PPP1CA: variants seen among roughly 807,000 people sequenced by gnomAD.
PPP1CA encodes the protein protein phosphatase 1 catalytic subunit alpha, also known as serine/threonine-protein phosphatase PP1-alpha catalytic subunit.
A neutral mutation model predicts 38.5 loss-of-function variants in PPP1CA; 14 were observed. That is an observed-to-expected ratio of 0.36 (90% CI 0.24 to 0.57). The LOEUF (loss-of-function observed/expected upper bound fraction) is 0.57. Ranked by LOEUF, PPP1CA falls within the 20% of genes least tolerant of loss-of-function variation. The probability of loss-of-function intolerance (pLI) is 0.80; values close to 1 mark genes in which losing one functional copy is unlikely to be tolerated. For missense variants in PPP1CA, 277 were observed against 435.2 expected (o/e 0.64, Z 3.23); for synonymous variants, 200 against 177.3 (o/e 1.13, Z -1.02).
Position 67,398,625 on chromosome 11 carries a change from C to G in PPP1CA, c.903G>C (p.Lys301Asn). 1 of 1,614,102 alleles carries G rather than the reference C, an allele frequency of 6.2e-7. No homozygotes were observed. Among genetic ancestry groups the G allele is most frequent in the South Asian group, 1.1e-5 (1 of 91,080 alleles). ...TGAACTGCCCGTACTTCCCCTTGTT[C>G]TTGTCGGCGGGCTTGAGGATCTAAA... Reference protein sequence around the residue: ...CSFQILKPADKNKGKYGQFSG... With the variant: ...CSFQILKPADNNKGKYGQFSG... The change falls in exon 7 of 7, where the codon AAG (lysine) becomes AAC (asparagine). Residue 301 changes from lysine (K) to asparagine (N), a missense_variant. By Grantham distance (94) the Lys-to-Asn change is moderately conservative. Coordinates refer to ENST00000376745, the MANE Select transcript of PPP1CA (RefSeq NM_002708.4).
intron 3 of PPP1CA, 119 bp downstream of exon 3, chr11:67,400,570 T>C (rs1862864956): frequency 9.7e-7 from 1 of 1,028,354 alleles, no homozygotes; most frequent in South Asian, 1.4e-5. Flanking sequence ...GGGCCCCGCC[T>C]TCGTGGAGCG....
intron 4 of PPP1CA, 110 bp from the exon 5 acceptor site, chr11:67,399,273 C>G: frequency 1.9e-6 from 2 of 1,031,390 alleles, no homozygotes; most frequent in Non-Finnish European, 2.9e-6. Context: ...CGCCACTGGT[C>G]TCCTGGGCGC....
rs770405881 is a variant in PPP1CA at position 67,401,792 on chromosome 11, G to A, written c.-10C>T. The A allele has an allele frequency of 2.0e-6, 3 of 1,463,868 alleles. No homozygotes were observed. The highest frequency in any genetic ancestry group is 1.3e-5 in the South Asian group (1 of 75,298). The allele number at this position is 1,463,868 out of a possible 1,614,324, so 90.7% of individuals were successfully genotyped here. A position where few individuals can be genotyped will look rare whatever the true frequency, so the allele number is the denominator to read the frequency against. ...TCTCGCTGTCGGACATGGCGGCGCCGCCGCTCCAGCCCAGCAGCTCCTGGC... is the reference window on the plus strand; with the variant it reads ...TCTCGCTGTCGGACATGGCGGCGCCACCGCTCCAGCCCAGCAGCTCCTGGC... On this transcript the variant is annotated 5_prime_UTR_variant, in exon 1 of 7. Transcript: ENST00000376745.
intron 1 of PPP1CA, 64 bp from the exon 2 acceptor site, chr11:67,401,263 GC>G: frequency 6.2e-7 from 1 of 1,603,716 alleles, no homozygotes; most frequent in African/African-American, 1.3e-5. Flanking sequence ...GACACGGGTG[GC>G]CCCATGGATA....
Position 67,398,639 on chromosome 11 carries a change from T to C in PPP1CA, c.889A>G (p.Lys297Glu), listed in dbSNP as rs754460287. 1 of 1,614,046 alleles carries C rather than the reference T, an allele frequency of 6.2e-7. No individual in the cohort carries two copies. The change falls in exon 7 of 7, where the codon AAG becomes GAG. Residue 297 changes from lysine (K) to glutamate (E), a missense_variant. By Grantham distance (56) the Lys-to-Glu change is moderately conservative. This residue lies in a region of PPP1CA where 53 missense variants were observed against 51.1 expected (regional missense o/e 1.04). Transcript: ENST00000376745. ...TTCCCCTTGTTCTTGTCGGCGGGCT[T>C]GAGGATCTAAAAGAGACAGTGTTGG... Reference protein sequence around the residue: ...ETLMCSFQILKPADKNKGKYG... With the variant: ...ETLMCSFQILEPADKNKGKYG...
chr11:67,400,323 T>A (rs1862856277), intron 3 of PPP1CA, among the ~76,000 whole-genome samples: 2 of 152,150 alleles, frequency 1.3e-5, no homozygotes, highest in South Asian at 4.1e-4. Flanking sequence ...AGCCTCAGGG[T>A]TGGCACTCCT....
intron 3 of PPP1CA, 87 bp from the exon 4 acceptor site, chr11:67,399,752 A>T (rs1474194253): frequency 1.7e-5 from 19 of 1,093,730 alleles, no homozygotes; most frequent in Non-Finnish European, 2.5e-5. Context: ...CTGGGAGGAG[A>T]GAGTCAGGCA....
Position 67,401,738 on chromosome 11 carries a change from G to A in PPP1CA, c.45C>T (p.Arg15=). 1.4e-6 allele frequency: 2 copies of A among 1,476,770 alleles called. No homozygotes were observed. The highest frequency in any genetic ancestry group is 1.3e-5 in the South Asian group (1 of 76,522). The allele number at this position is 1,476,770 out of a possible 1,614,324, so 91.5% of individuals were successfully genotyped here. A position where few individuals can be genotyped will look rare whatever the true frequency, so the allele number is the denominator to read the frequency against. The part of the protein sequence containing the change: ...EKLNLDSIIG[R]LLEVQGSRPG... Reference sequence around the variant, plus strand: ...CCCGCCCCGACCAACCTTCCAGCAGGCGCCCGATGATCGAGTCCAGGTTGA... The same window carrying A: ...CCCGCCCCGACCAACCTTCCAGCAGACGCCCGATGATCGAGTCCAGGTTGA... Residue 15 remains arginine, a synonymous_variant, in exon 1 of 7, where the codon CGC becomes CGT. Coordinates refer to ENST00000376745, the MANE Select transcript of PPP1CA (RefSeq NM_002708.4).
intron 5 of PPP1CA, 32 bp from the exon 6 acceptor site, chr11:67,398,888 C>T (rs909111851): frequency 7.4e-6 from 12 of 1,611,580 alleles, no homozygotes; most frequent in South Asian, 3.3e-5. Flanking sequence ...CAGTCCCGAG[C>T]GCAGGCACGG....
chr11:67,399,392 A>G (rs1036127699), intron 4 of PPP1CA, among the ~76,000 whole-genome samples, 169 bp downstream of exon 4: 1 of 152,222 alleles, frequency 6.6e-6, no homozygotes, highest in Non-Finnish European at 1.5e-5. Flanking sequence ...AAAGGAGACA[A>G]GCCCACTCCA....
In PPP1CA at chr11:67,399,236, C is replaced by T. The variant is rs1304506689; in HGVS notation, c.524-73G>A. 6.1e-6 allele frequency: 8 copies of T among 1,301,960 alleles called. No individual in the cohort carries two copies. In the South Asian group the frequency reaches 9.1e-5, roughly 15 times the overall value. 80.7% of individuals were successfully genotyped at this position (1,301,960 alleles called of 1,614,324 possible). ...TCCAGGAAGCCTTGGCCAATGAACC[C>T]CACCTTTCCCACCACCCTCCTGGTC... On this transcript the variant is annotated intron_variant, in intron 4 of 6. Coordinates refer to ENST00000376745, the MANE Select transcript of PPP1CA (RefSeq NM_002708.4).
rs762882878 is a variant in PPP1CA at position 67,401,820 on chromosome 11, G to T, written c.-38C>A. ...GCTCCAGCCCAGCAGCTCCTGGCCCGCTCCTGCCTCCCGCCCTCCGGCAGC... is the reference window on the plus strand; with the variant it reads ...GCTCCAGCCCAGCAGCTCCTGGCCCTCTCCTGCCTCCCGCCCTCCGGCAGC... On this transcript the variant is annotated 5_prime_UTR_variant, in exon 1 of 7. Coordinates refer to ENST00000376745, the MANE Select transcript of PPP1CA (RefSeq NM_002708.4). 7.2e-6 allele frequency: 10 copies of T among 1,386,364 alleles called. No homozygotes were observed. Among genetic ancestry groups the T allele is most frequent in the Non-Finnish European group, 9.4e-6 (10 of 1,058,352 alleles). The allele number at this position is 1,386,364 out of a possible 1,614,324, so 85.9% of individuals were successfully genotyped here.
intron 1 of PPP1CA, chr11:67,401,474 G>A (rs1228978932): frequency 5.0e-6 from 3 of 599,624 alleles, no homozygotes; most frequent in African/African-American, 3.7e-5. Flanking sequence ...CGGGCTTCCC[G>A]GGTTTCTCCC....
chr11:67,398,255 C>T lies in PPP1CA; in HGVS notation c.*280G>A. The T allele has an allele frequency of 2.1e-6, 1 of 475,146 alleles. No homozygotes were observed. Among genetic ancestry groups the T allele is most frequent in the Non-Finnish European group, 3.8e-6 (1 of 266,224 alleles). 29.4% of individuals were successfully genotyped at this position (475,146 alleles called of 1,614,324 possible). ...AGGATCCGGCTGCCAGCCCTGAGGC[C>T]AAGCACGGCTGGAGACCCACGACCT... On this transcript the variant is annotated 3_prime_UTR_variant, in exon 7 of 7. Coordinates refer to ENST00000376745, the MANE Select transcript of PPP1CA (RefSeq NM_002708.4).
At chr11:67,400,539 G>T in intron 3 of PPP1CA, 150 bp downstream of exon 3, 1 of 753,940 alleles carries the variant, frequency 1.3e-6, no homozygotes, top group Non-Finnish European at 2.2e-6. Context: ...GGAGGGGCAG[G>T]GCAGGCACGA....
chr11:67,398,425 G>C lies in PPP1CA; in HGVS notation c.*110C>G. 9.4e-7 allele frequency: 1 copy of C among 1,063,270 alleles called. No individual in the cohort carries two copies. Among genetic ancestry groups the C allele is most frequent in the Non-Finnish European group, 1.4e-6 (1 of 727,798 alleles). 65.9% of individuals were successfully genotyped at this position (1,063,270 alleles called of 1,614,324 possible). A position where few individuals can be genotyped will look rare whatever the true frequency, so the allele number is the denominator to read the frequency against. On this transcript the variant is annotated 3_prime_UTR_variant, in exon 7 of 7. Transcript: ENST00000376745. ...AAAGAAAAATACACCAAGGCTCCAT[G>C]TTCCCCGTGACAGGTGGGCCTGAGG... is the stretch of plus-strand genomic sequence containing the variant.
chr11:67,400,769 T>C lies in PPP1CA; in HGVS notation c.338A>G (p.Lys113Arg), dbSNP rs368449642. The change falls in exon 3 of 7, where the codon AAG becomes AGG. Residue 113 changes from lysine to arginine, a missense_variant. Transcript: ENST00000376745. ...TICLLLAYKIKYPENFFLLRG... is the reference protein window; with the variant it reads ...TICLLLAYKIRYPENFFLLRG... Reference sequence around the variant, plus strand: ...GAGCAGGAAGAAGTTCTCGGGGTACTTGATCTTATAGGCCAGCAGCAGGCA... The same window carrying C: ...GAGCAGGAAGAAGTTCTCGGGGTACCTGATCTTATAGGCCAGCAGCAGGCA... 4 of 1,613,974 alleles carry C rather than the reference T, an allele frequency of 2.5e-6. No individual in the cohort carries two copies. The highest frequency in any genetic ancestry group is 1.1e-5 in the South Asian group (1 of 91,078).
chr11:67,401,512 C>T (rs1460544272), intron 1 of PPP1CA: 1 of 559,510 alleles, frequency 1.8e-6, no homozygotes, highest in Non-Finnish European at 3.0e-6. Flanking sequence ...GCAACCCGTG[C>T]GCCCCCAGCC....
chr11:67,401,314 C>A, intron 1 of PPP1CA, 115 bp from the exon 2 acceptor site: 1 of 1,530,962 alleles, frequency 6.5e-7, no homozygotes, highest in Non-Finnish European at 8.9e-7. Flanking sequence ...CCTCCTTGCC[C>A]ACAGGCAGCT....
Sources: allele counts gnomAD v4.1 joint callset (sites outside exome capture counted in the v4.1 genomes callset), GRCh38; gene constraint gnomAD v4.1.1; regional missense constraint gnomAD v4.1.1; transcripts MANE v1.5; gene names NCBI Gene and HGNC (gene_info 2026-07-23, HGNC 2026-07-21).